ELMO1: variants seen among roughly 807,000 people sequenced by gnomAD.
ELMO1 encodes engulfment and cell motility 1, also known as engulfment and cell motility protein 1.
In ELMO1, 26 loss-of-function variants were observed where a neutral mutation model predicts 98.9. That is an observed-to-expected ratio of 0.26 (90% CI 0.19 to 0.36). The LOEUF is 0.36. ELMO1 is among the 10% of genes least tolerant of loss of function. The pLI is 1.00. For synonymous variants in ELMO1, 346 were observed against 346.0 expected, an observed-to-expected ratio of 1.00 and a Z score of 0.00; for missense variants, 627 against 935.2, an observed-to-expected ratio of 0.67 and a Z score of 4.30.
intron 15 of ELMO1, among the ~76,000 whole-genome samples, chr7:37,014,292 T>C (rs1177048694): frequency 2.0e-5 from 3 of 152,130 alleles, no homozygotes; most frequent in Non-Finnish European, 4.4e-5. Flanking sequence ...TCGTATCTTA[T>C]GGATGAGGAT....
intron 7 of ELMO1, among the ~76,000 whole-genome samples, chr7:37,236,814 T>C (rs1794490906): frequency 6.6e-6 from 1 of 152,192 alleles, no homozygotes. Flanking sequence ...TAAAAGCTCT[T>C]ACTGAACCTT....
chr7:37,217,654 A>G, intron 10 of ELMO1: 1 of 456,534 alleles, frequency 2.2e-6, no homozygotes, highest in South Asian at 1.6e-5. Context: ...GGTGGACAGG[A>G]GCAGCACAGG....
intron 16 of ELMO1, among the ~76,000 whole-genome samples, chr7:36,898,556 G>T (rs943306371): frequency 1.3e-5 from 2 of 152,210 alleles, no homozygotes; most frequent in African/African-American, 4.8e-5. Flanking sequence ...CCGGGTTAAA[G>T]GTACAAGCAC....
chr7:37,163,193 TC>T (rs955078168), intron 13 of ELMO1, among the ~76,000 whole-genome samples: 1 of 152,206 alleles, frequency 6.6e-6, no homozygotes, highest in African/African-American at 2.4e-5. Flanking sequence ...CATCCTTAAA[TC>T]AGACCTCTGA....
intron 15 of ELMO1, among the ~76,000 whole-genome samples, chr7:37,084,358 C>T (rs1262833846): frequency 6.6e-6 from 1 of 152,214 alleles, no homozygotes; most frequent in African/African-American, 2.4e-5. Flanking sequence ...CTACTCTATT[C>T]ATGCAACAAA....
At chr7:37,318,599 A>T (rs1468414803) in intron 2 of ELMO1, among the ~76,000 whole-genome samples, 2 of 152,230 alleles carry the variant, frequency 1.3e-5, no homozygotes, top group Non-Finnish European at 2.9e-5. Context: ...AGTTGGATAT[A>T]TGAAAGGAAT....
intron 14 of ELMO1, among the ~76,000 whole-genome samples, chr7:37,104,952 T>C (rs1001169454): frequency 2.0e-5 from 3 of 151,972 alleles, no homozygotes; most frequent in African/African-American, 7.2e-5. Flanking sequence ...GGTGAAATGC[T>C]TCCAGAATAA....
At chr7:37,424,132 A>T (rs1345334881) in intron 1 of ELMO1, among the ~76,000 whole-genome samples, 1 of 152,184 alleles carries the variant, frequency 6.6e-6, no homozygotes, top group African/African-American at 2.4e-5. Flanking sequence ...ACAGATCATC[A>T]TTTCCTCCAG....
chr7:37,399,580 A>G (rs1583688723), intron 1 of ELMO1, among the ~76,000 whole-genome samples: 1 of 152,166 alleles, frequency 6.6e-6, no homozygotes, highest in East Asian at 1.9e-4. Flanking sequence ...AGAACCTTTC[A>G]TCTTATTCTT....
chr7:37,416,767 A>G (rs1033899311), intron 1 of ELMO1, among the ~76,000 whole-genome samples: 9 of 152,376 alleles, frequency 5.9e-5, no homozygotes, highest in African/African-American at 1.9e-4. Context: ...GGTCAGCTGC[A>G]AAGAGTAGCA....
At chr7:37,158,801 T>C (rs912565610) in intron 13 of ELMO1, among the ~76,000 whole-genome samples, 5 of 152,230 alleles carry the variant, frequency 3.3e-5, no homozygotes, top group African/African-American at 1.2e-4. Context: ...ATCCCATTAC[T>C]GGGTATATAC....
At chr7:37,302,263 T>TCTA (rs1051645683) in intron 4 of ELMO1, among the ~76,000 whole-genome samples, 1 of 152,190 alleles carries the variant, frequency 6.6e-6, no homozygotes, top group Non-Finnish European at 1.5e-5. Flanking sequence ...TCCCCATAGC[T>TCTA]GGGACAACAG....
At chr7:36,948,926 G>C (rs1787738879) in intron 16 of ELMO1, among the ~76,000 whole-genome samples, 1 of 152,126 alleles carries the variant, frequency 6.6e-6, no homozygotes, top group South Asian at 2.1e-4. Context: ...TACGATCTTG[G>C]CTCACTGCAA....
chr7:36,887,258 CA>C (rs1428788608), intron 18 of ELMO1, among the ~76,000 whole-genome samples: 7 of 152,202 alleles, frequency 4.6e-5, no homozygotes, highest in African/African-American at 1.7e-4. Context: ...ACTAGAGTTT[CA>C]GAAGCACCTG....
intron 18 of ELMO1, among the ~76,000 whole-genome samples, chr7:36,886,972 G>A (rs1805064338): frequency 1.3e-5 from 2 of 152,174 alleles, no homozygotes; most frequent in African/African-American, 4.8e-5. Flanking sequence ...GGCCATCCAT[G>A]CTGGAAGCTC....
At chr7:36,970,179 TAACACACA>T (rs1789799362) in intron 16 of ELMO1, among the ~76,000 whole-genome samples, 1 of 113,152 alleles carries the variant, frequency 8.8e-6, no homozygotes, top group Non-Finnish European at 1.8e-5. Context: ...TTCATACACT[TAACACACA>T]CACACACACA....
chr7:37,294,644 GTGA>G (rs1797939396), intron 4 of ELMO1, among the ~76,000 whole-genome samples: 1 of 152,280 alleles, frequency 6.6e-6, no homozygotes, highest in East Asian at 1.9e-4. Flanking sequence ...GAGGAAACAA[GTGA>G]TTATTGGTTA....
chr7:37,406,792 C>T (rs1256337424), intron 1 of ELMO1, among the ~76,000 whole-genome samples: 1 of 152,074 alleles, frequency 6.6e-6, no homozygotes, highest in East Asian at 1.9e-4. Context: ...ATAGCATTAG[C>T]TAGAGGATCT....
At chr7:37,397,246 T>C (rs1451683447) in intron 1 of ELMO1, among the ~76,000 whole-genome samples, 3 of 152,234 alleles carry the variant, frequency 2.0e-5, no homozygotes, top group African/African-American at 7.2e-5. Context: ...AAATTAGACT[T>C]TGTTAATTTT....
Sources: gnomAD v4.1 joint callset for allele counts (sites outside exome capture counted in the v4.1 genomes callset) on GRCh38, gnomAD v4.1.1 for gene constraint, MANE v1.5 for transcripts, NCBI Gene and HGNC (gene_info 2026-07-23, HGNC 2026-07-21) for gene names.